NMNAT2: variants seen among roughly 807,000 people sequenced by gnomAD.
The protein encoded by NMNAT2 is nicotinamide nucleotide adenylyltransferase 2.
Under a neutral mutation model 41.6 loss-of-function variants are expected in NMNAT2, and 11 were observed. That is an observed-to-expected ratio of 0.26 (90% CI 0.17 to 0.44). The LOEUF is 0.44. NMNAT2 is among the 20% of genes least tolerant of loss of function. The pLI, the probability that NMNAT2 is intolerant of heterozygous loss-of-function variation, is 1.00. For missense variants in NMNAT2, 288 were observed against 407.7 expected (o/e 0.71, Z 2.53); for synonymous variants, 148 against 151.2 (o/e 0.98, Z 0.16).
chr1:183,396,148 A>T (rs766120812), intron 1 of NMNAT2, among the ~76,000 whole-genome samples: 20 of 152,128 alleles, frequency 1.3e-4, no homozygotes, highest in Non-Finnish European at 2.1e-4. Flanking sequence ...TACTTGGTAG[A>T]CATAAGTGCC....
Position 183,265,416 on chromosome 1 carries a change from G to A in NMNAT2, c.652-4113C>T, listed in dbSNP as rs189417601. ...TAAGTAGCTGGGATTACAGGCATGCGCCACCATGCCCAGCTAATTTGTGTA... is the reference window on the plus strand; with the variant it reads ...TAAGTAGCTGGGATTACAGGCATGCACCACCATGCCCAGCTAATTTGTGTA... On this transcript the variant is annotated intron_variant, in intron 8 of 10. Coordinates refer to ENST00000287713, the MANE Select transcript of NMNAT2 (RefSeq NM_015039.4). Among the ~76,000 whole-genome samples the A allele has an allele frequency of 6.3e-3, 961 of 151,754 alleles. 17 individuals carry two copies. The highest frequency in any genetic ancestry group is 0.022 in the African/African-American group (909 of 41,374).
At chr1:183,358,780 C>T (rs1362393187) in intron 1 of NMNAT2, among the ~76,000 whole-genome samples, 1 of 152,208 alleles carries the variant, frequency 6.6e-6, no homozygotes, top group African/African-American at 2.4e-5. Context: ...CAGCTTTCCT[C>T]TTTTTCTGCC....
At chr1:183,385,456 A>G (rs1452510503) in intron 1 of NMNAT2, among the ~76,000 whole-genome samples, 1 of 152,224 alleles carries the variant, frequency 6.6e-6, no homozygotes, top group Non-Finnish European at 1.5e-5. Context: ...GACAGCAGGC[A>G]CAGGTCTAAT....
chr1:183,389,326 G>C (rs1225767514), intron 1 of NMNAT2, among the ~76,000 whole-genome samples: 1 of 152,116 alleles, frequency 6.6e-6, no homozygotes, highest in African/African-American at 2.4e-5. Context: ...TCCTCCAGGA[G>C]GAAGCATGGA....
At chr1:183,401,036 A>G (rs1416398742) in intron 1 of NMNAT2, among the ~76,000 whole-genome samples, 1 of 152,234 alleles carries the variant, frequency 6.6e-6, no homozygotes, top group African/African-American at 2.4e-5. Flanking sequence ...ATGAAAAGCA[A>G]TGGCAACAAA....
intron 10 of NMNAT2, 96 bp from the exon 11 acceptor site, chr1:183,252,839 C>T (rs1660427677): frequency 1.1e-5 from 10 of 874,914 alleles, no homozygotes; most frequent in Admixed American, 1.9e-5. Flanking sequence ...CCATTTGTAG[C>T]CTTTTCTCAG....
rs533949321 is a variant in NMNAT2 at position 183,385,606 on chromosome 1, T to G, written c.85+32577A>C. Among the ~76,000 whole-genome samples the G allele has an allele frequency of 7.9e-5, 12 of 152,262 alleles. No individual in the cohort carries two copies. The South Asian group carries it at 8.3e-4, about 11-fold the overall frequency. Reference sequence around the variant, plus strand: ...AACAGACAGAGCCTGGAATTTTTTTTTTTTTTCCAGAAAATCCTCCACATT... The same window carrying G: ...AACAGACAGAGCCTGGAATTTTTTTGTTTTTTCCAGAAAATCCTCCACATT... On this transcript the variant is annotated intron_variant, in intron 1 of 10. Coordinates refer to ENST00000287713, the MANE Select transcript of NMNAT2 (RefSeq NM_015039.4).
At chr1:183,395,004 A>G (rs1648594831) in intron 1 of NMNAT2, among the ~76,000 whole-genome samples, 1 of 152,092 alleles carries the variant, frequency 6.6e-6, no homozygotes, top group Non-Finnish European at 1.5e-5. Flanking sequence ...CCGTTCAGCC[A>G]TTCTCCCAGC....
chr1:183,382,871 A>T (rs1289365585), intron 1 of NMNAT2, among the ~76,000 whole-genome samples: 1 of 152,000 alleles, frequency 6.6e-6, no homozygotes, highest in Non-Finnish European at 1.5e-5. Flanking sequence ...AGCTTTTCCA[A>T]GTGCACGGAG....
At chr1:183,363,784 G>T (rs1663357773) in intron 1 of NMNAT2, among the ~76,000 whole-genome samples, 1 of 152,216 alleles carries the variant, frequency 6.6e-6, no homozygotes. Context: ...GGTGGCTTGA[G>T]AGGGTTGGAT....
At chr1:183,390,110 G>A (rs1043813745) in intron 1 of NMNAT2, among the ~76,000 whole-genome samples, 32 of 152,142 alleles carry the variant, frequency 2.1e-4, no homozygotes, top group African/African-American at 7.5e-4. Context: ...GTGGGCAGCA[G>A]TGGTACGGGA....
At chr1:183,397,238 G>C (rs923414138) in intron 1 of NMNAT2, among the ~76,000 whole-genome samples, 1 of 152,124 alleles carries the variant, frequency 6.6e-6, no homozygotes, top group Admixed American at 6.5e-5. Flanking sequence ...AGCCAGGGTC[G>C]AGGTTCTGCT....
intron 7 of NMNAT2, among the ~76,000 whole-genome samples, chr1:183,279,418 G>A (rs1032139385): frequency 1.3e-5 from 2 of 152,212 alleles, no homozygotes; most frequent in Non-Finnish European, 2.9e-5. Context: ...GTGGAGCACA[G>A]CGTGGCTCCC....
intron 7 of NMNAT2, among the ~76,000 whole-genome samples, chr1:183,280,145 G>A (rs1661221026): frequency 6.6e-6 from 1 of 152,164 alleles, no homozygotes; most frequent in Non-Finnish European, 1.5e-5. Flanking sequence ...ACTGTGGAGA[G>A]GAACCACACT....
intron 1 of NMNAT2, among the ~76,000 whole-genome samples, chr1:183,301,276 C>G (rs754011105): frequency 6.6e-6 from 1 of 152,154 alleles, no homozygotes; most frequent in African/African-American, 2.4e-5. Flanking sequence ...AAACAGCAAG[C>G]GACTAAAGAC....
chr1:183,348,813 T>C (rs982829349), intron 1 of NMNAT2, among the ~76,000 whole-genome samples: 3 of 152,254 alleles, frequency 2.0e-5, no homozygotes, highest in East Asian at 1.9e-4. Flanking sequence ...TATTTCAGTC[T>C]TGATGCTTTC....
chr1:183,298,127 C>T (rs1314547400), intron 1 of NMNAT2, among the ~76,000 whole-genome samples: 1 of 152,084 alleles, frequency 6.6e-6, no homozygotes, highest in Non-Finnish European at 1.5e-5. Flanking sequence ...AATGCTTTCT[C>T]CCTAAAATGA....
intron 1 of NMNAT2, among the ~76,000 whole-genome samples, chr1:183,315,237 G>A (rs1662219227): frequency 6.6e-6 from 1 of 152,160 alleles, no homozygotes; most frequent in African/African-American, 2.4e-5. Context: ...ACTCGGGGCA[G>A]ACACACAGAT....
At chr1:183,380,954 AG>A (rs1490456283) in intron 1 of NMNAT2, among the ~76,000 whole-genome samples, 6 of 152,160 alleles carry the variant, frequency 3.9e-5, no homozygotes, top group African/African-American at 1.4e-4. Context: ...TGTTTTAGAA[AG>A]GTCGATCTAG....
Sources: gnomAD v4.1 joint callset for allele counts (sites outside exome capture counted in the v4.1 genomes callset) on GRCh38, gnomAD v4.1.1 for gene constraint, MANE v1.5 for transcripts, NCBI Gene and HGNC (gene_info 2026-07-23, HGNC 2026-07-21) for gene names.